ATP8A2: variants seen among roughly 807,000 people sequenced by gnomAD.
ATP8A2 encodes the protein phospholipid-transporting ATPase IB.
Under a neutral mutation model 165.6 loss-of-function variants are expected in ATP8A2, and 100 were observed. The ratio of observed to expected loss-of-function variants is 0.60; its 90% CI spans 0.51 to 0.71. ATP8A2 has a LOEUF of 0.71. Ranked by LOEUF, ATP8A2 falls within the 30% of genes least tolerant of loss-of-function variation. ATP8A2 has a pLI of 0.00. For synonymous variants in ATP8A2, 543 were observed against 548.8 expected, an observed-to-expected ratio of 0.99 and a Z score of 0.15; for missense variants, 1,227 against 1,479.5, an observed-to-expected ratio of 0.83 and a Z score of 2.80.
rs139332803 is a variant in ATP8A2, at chr13:25,762,084, A to G, written c.2385-6962A>G. On this transcript the variant is annotated intron_variant, in intron 25 of 36. Transcript: ENST00000381655. ...CAAGACCAGGCTGGCCAACATGGCA[A>G]AACTCTGTCTCTATGAAAAATACAA... Among the ~76,000 whole-genome samples, 593 of 152,078 alleles carry G rather than the reference A, an allele frequency of 3.9e-3. 3 individuals carry two copies. Among genetic ancestry groups the G allele is most frequent in the African/African-American group, 0.013 (529 of 41,490 alleles).
chr13:25,561,850 C>T (rs1048904079), intron 15 of ATP8A2, among the ~76,000 whole-genome samples: 4 of 152,192 alleles, frequency 2.6e-5, no homozygotes, highest in African/African-American at 9.7e-5. Context: ...TTCTAGGTAC[C>T]TCATGCAAGT....
chr13:25,629,754 C>T (rs1000987001), intron 24 of ATP8A2, among the ~76,000 whole-genome samples: 7 of 152,062 alleles, frequency 4.6e-5, no homozygotes, highest in South Asian at 4.2e-4. Flanking sequence ...AGATCAGCGT[C>T]GCTTCTGTTT....
intron 35 of ATP8A2, among the ~76,000 whole-genome samples, chr13:25,978,599 G>A (rs1289617014): frequency 6.6e-6 from 1 of 152,034 alleles, no homozygotes; most frequent in Non-Finnish European, 1.5e-5. Flanking sequence ...GTGCATCTGA[G>A]AGAACTGCTG....
At chr13:25,438,482 A>T (rs2034840788) in intron 1 of ATP8A2, among the ~76,000 whole-genome samples, 1 of 152,070 alleles carries the variant, frequency 6.6e-6, no homozygotes, top group African/African-American at 2.4e-5. Context: ...TCTACAAAAA[A>T]ATACAAAAAT....
At chr13:25,507,121 CAGTT>C (rs1305002607) in intron 2 of ATP8A2, among the ~76,000 whole-genome samples, 1 of 151,324 alleles carries the variant, frequency 6.6e-6, no homozygotes, top group Non-Finnish European at 1.5e-5. Context: ...TACTGTAAAT[CAGTT>C]GGTTGGGAAT....
At chr13:25,840,739 A>G (rs1413534914) in intron 30 of ATP8A2, among the ~76,000 whole-genome samples, 1 of 152,130 alleles carries the variant, frequency 6.6e-6, no homozygotes, top group Non-Finnish European at 1.5e-5. Flanking sequence ...AGAGTTTGGG[A>G]TGTGATTTTG....
chr13:25,971,614 A>G (rs1478593928), intron 35 of ATP8A2, among the ~76,000 whole-genome samples: 1 of 152,028 alleles, frequency 6.6e-6, no homozygotes, highest in East Asian at 1.9e-4. Context: ...GTGAGGTGGT[A>G]GTGAGGAAAG....
At chr13:25,671,605 G>C (rs1439796760) in intron 24 of ATP8A2, among the ~76,000 whole-genome samples, 1 of 152,186 alleles carries the variant, frequency 6.6e-6, no homozygotes, top group Non-Finnish European at 1.5e-5. Context: ...AGGTGAGATA[G>C]ACTCCAGTCT....
chr13:25,806,099 A>G (rs1246663420), intron 27 of ATP8A2, among the ~76,000 whole-genome samples: 1 of 152,170 alleles, frequency 6.6e-6, no homozygotes, highest in African/African-American at 2.4e-5. Context: ...TTACAAAGAA[A>G]CATACGTAGG....
At chr13:25,966,750 A>G (rs1395746564) in intron 34 of ATP8A2, among the ~76,000 whole-genome samples, 3 of 152,228 alleles carry the variant, frequency 2.0e-5, no homozygotes, top group Non-Finnish European at 4.4e-5. Context: ...GTGATTGAGT[A>G]AAAACCAGCA....
At chr13:25,519,649 A>T (rs1303404155) in intron 2 of ATP8A2, among the ~76,000 whole-genome samples, 2 of 152,122 alleles carry the variant, frequency 1.3e-5, no homozygotes, top group African/African-American at 4.8e-5. Context: ...GCGCCTGGTC[A>T]CTTATCTCCA....
chr13:25,380,689 A>T (rs2032804267), intron 1 of ATP8A2, among the ~76,000 whole-genome samples: 1 of 152,168 alleles, frequency 6.6e-6, no homozygotes, highest in Non-Finnish European at 1.5e-5. Flanking sequence ...CAAATTATAG[A>T]TCATCTAGTC....
At chr13:25,826,371 A>G (rs1276171799) in intron 27 of ATP8A2, among the ~76,000 whole-genome samples, 2 of 152,190 alleles carry the variant, frequency 1.3e-5, no homozygotes, top group African/African-American at 4.8e-5. Context: ...GACAAGGTGA[A>G]AGCTGTATTT....
chr13:25,401,102 T>C (rs2033621668), intron 1 of ATP8A2, among the ~76,000 whole-genome samples: 1 of 152,156 alleles, frequency 6.6e-6, no homozygotes, highest in African/African-American at 2.4e-5. Flanking sequence ...ATGAACCAGA[T>C]GTGCAGTGAG....
intron 33 of ATP8A2, among the ~76,000 whole-genome samples, chr13:25,930,258 C>G (rs1214857489): frequency 6.6e-6 from 1 of 152,204 alleles, no homozygotes; most frequent in Non-Finnish European, 1.5e-5. Flanking sequence ...CTTTCAAACC[C>G]TTTAATGATG....
Position 25,834,999 on chromosome 13 carries a change from TG to T in ATP8A2, c.2755-2163del, listed in dbSNP as rs551461209. ...GATCCCTAACGTGTGTGTGTGTGTGTGTGTAGTATGGTATAGGCAGAGTGGA... is the reference window on the plus strand; with the variant it reads ...GATCCCTAACGTGTGTGTGTGTGTGTTGTAGTATGGTATAGGCAGAGTGGA... On this transcript the variant is annotated intron_variant, in intron 28 of 36. Coordinates refer to ENST00000381655, the MANE Select transcript of ATP8A2 (RefSeq NM_016529.6). Among the ~76,000 whole-genome samples, 135 of 151,700 alleles carry T rather than the reference TG, an allele frequency of 8.9e-4. 1 individual carries two copies. Among genetic ancestry groups the T allele is most frequent in the African/African-American group, 2.9e-3 (121 of 41,348 alleles).
chr13:25,744,127 A>G (rs1252898123), intron 25 of ATP8A2, among the ~76,000 whole-genome samples: 1 of 152,230 alleles, frequency 6.6e-6, no homozygotes, highest in African/African-American at 2.4e-5. Flanking sequence ...GAGGGAAGAT[A>G]TTGAAATTCA....
chr13:25,946,149 C>G (rs1040730066), intron 33 of ATP8A2, among the ~76,000 whole-genome samples: 1 of 152,060 alleles, frequency 6.6e-6, no homozygotes, highest in Non-Finnish European at 1.5e-5. Flanking sequence ...AGGCACAGTT[C>G]CATCCCAGGT....
At chr13:25,775,031 T>C in intron 27 of ATP8A2, 72 bp downstream of exon 27, 1 of 861,034 alleles carries the variant, frequency 1.2e-6, no homozygotes, top group Non-Finnish European at 1.9e-6. Context: ...TTTAAAGTCA[T>C]TTCAAGGCAG....
Sources: allele counts gnomAD v4.1 joint callset (sites outside exome capture counted in the v4.1 genomes callset), GRCh38; gene constraint gnomAD v4.1.1; transcripts MANE v1.5; gene names NCBI Gene and HGNC (gene_info 2026-07-23, HGNC 2026-07-21).